Variants in LYSMD4 observed in about 807,000 individuals in gnomAD.
LYSMD4 encodes the protein lysM and putative peptidoglycan-binding domain-containing protein 4.
LYSMD4 carries 9 observed loss-of-function variants against 6.1 expected under a neutral mutation model. The ratio of observed to expected loss-of-function variants is 1.47; its 90% CI spans 0.88 to 2.56. LYSMD4 has a LOEUF of 2.56. LYSMD4 is among the 30% of genes most tolerant of loss of function. The pLI, the probability that LYSMD4 is intolerant of heterozygous loss-of-function variation, is 0.00. For missense variants in LYSMD4, 384 were observed against 373.5 expected (o/e 1.03, Z -0.23); for synonymous variants, 143 against 148.5 (o/e 0.96, Z 0.27).
chr15:99,726,145 G>GTTTTTT (rs1567547710), downstream of LYSMD4, among the ~76,000 whole-genome samples: 2 of 31,412 alleles, frequency 6.4e-5, no homozygotes, highest in African/African-American at 1.5e-4. Flanking sequence ...TGTCTCAAGT[G>GTTTTTT]GTTTTTTTTT....
chr15:99,729,763 T>C (rs1210914555), intron 2 of LYSMD4, 32 bp from the exon 3 acceptor site: 2 of 1,557,912 alleles, frequency 1.3e-6, no homozygotes, highest in Non-Finnish European at 8.6e-7. Context: ...CATCATAAAA[T>C]ATGCGGAGCT....
In LYSMD4 at chr15:99,733,428, G is replaced by T. The variant is rs567813300; in HGVS notation, c.-92C>A. ...ACCCGCAGCTGCCACCGCGCCTGCGGATTGGCTACGAACATCAGCAGGGCC... is the reference window on the plus strand; with the variant it reads ...ACCCGCAGCTGCCACCGCGCCTGCGTATTGGCTACGAACATCAGCAGGGCC... On this transcript the variant is annotated 5_prime_UTR_variant, in exon 1 of 3. Coordinates refer to ENST00000684762, the MANE Select transcript of LYSMD4 (RefSeq NM_001284417.2). The T allele has an allele frequency of 2.1e-4, 83 of 395,412 alleles. No homozygotes were observed. The highest frequency in any genetic ancestry group is 1.7e-3 in the African/African-American group (81 of 48,552). The allele number at this position is 395,412 out of a possible 1,614,324, so 24.5% of individuals were successfully genotyped here. A position where few individuals can be genotyped will look rare whatever the true frequency, so the allele number is the denominator to read the frequency against.
exon 1 of LYSMD4, chr15:99,716,171 A>C (rs1300779530): frequency 5.5e-6 from 1 of 182,204 alleles, no homozygotes; most frequent in African/African-American, 2.4e-5. Context: ...GCTTTGCTAT[A>C]TTTAAAATGG....
In LYSMD4 at chr15:99,729,011, T is replaced by G. The variant is rs145602005; in HGVS notation, c.*112A>C. On this transcript the variant is annotated 3_prime_UTR_variant, in exon 3 of 3. Coordinates refer to ENST00000684762, the MANE Select transcript of LYSMD4 (RefSeq NM_001284417.2). ...GAATACTGCAGTGACTTCTGAAAAG[T>G]GTCCATCCTTCCCCGGAAGCAAAAT... is the stretch of plus-strand genomic sequence containing the variant. The G allele has an allele frequency of 5.7e-6, 8 of 1,411,540 alleles. No homozygotes were observed. In the South Asian group the frequency reaches 9.1e-5, roughly 16 times the overall value. The allele number at this position is 1,411,540 out of a possible 1,614,324, so 87.4% of individuals were successfully genotyped here.
intron 2 of LYSMD4, among the ~76,000 whole-genome samples, chr15:99,730,253 T>C (rs537459597): frequency 5.0e-4 from 76 of 152,358 alleles, no homozygotes; most frequent in African/African-American, 1.8e-3. Flanking sequence ...TTGACAGATA[T>C]GCCCTCGGCA....
chr15:99,720,346 TGTG>T (rs374823760), upstream of LYSMD4, among the ~76,000 whole-genome samples: 50 of 152,240 alleles, frequency 3.3e-4, no homozygotes, highest in Non-Finnish European at 5.6e-4. Flanking sequence ...TATGGCCAGG[TGTG>T]GTGGCTCACA....
At chr15:99,733,038 G>C (rs919263190) in intron 1 of LYSMD4, 1 of 294,840 alleles carries the variant, frequency 3.4e-6, no homozygotes, top group Non-Finnish European at 6.3e-6. Flanking sequence ...TCTGCGAAAA[G>C]ATGGGGCACC....
chr15:99,718,639 A>G (rs1313677948), upstream of LYSMD4, among the ~76,000 whole-genome samples: 1 of 152,068 alleles, frequency 6.6e-6, no homozygotes, highest in Non-Finnish European at 1.5e-5. Flanking sequence ...CACTTGTTCC[A>G]GCTTTGGCCA....
rs771380009 is a variant in LYSMD4, at chr15:99,729,689, C to A, written c.325G>T (p.Asp109Tyr). ...KKVNNFIREQ[D>Y]LYALKSVKIP... Reference sequence around the variant, plus strand: ...TTAACAGATTTCAAAGCATATAAGTCTTGTTCTCTGATGAAGTTGTTGACT... The same window carrying A: ...TTAACAGATTTCAAAGCATATAAGTATTGTTCTCTGATGAAGTTGTTGACT... Residue 109 changes from aspartate to tyrosine, a missense_variant, in exon 3 of 3, where the codon GAC (aspartate) becomes TAC (tyrosine). Asp to Tyr is a radical substitution (Grantham distance 160, BLOSUM62 -3). Transcript: ENST00000684762. 2 of 1,613,302 alleles carry A rather than the reference C, an allele frequency of 1.2e-6. No homozygotes were observed. Among genetic ancestry groups the A allele is most frequent in the Admixed American group, 3.3e-5 (2 of 59,982 alleles).
chr15:99,727,215 A>C (rs1050651415), downstream of LYSMD4, among the ~76,000 whole-genome samples: 7 of 152,122 alleles, frequency 4.6e-5, no homozygotes, highest in Non-Finnish European at 1.0e-4. Context: ...TCTCTACTAA[A>C]AATGCAAAAA....
intron 1 of LYSMD4, among the ~76,000 whole-genome samples, chr15:99,732,462 G>A (rs2059441929): frequency 6.6e-6 from 1 of 152,220 alleles, no homozygotes; most frequent in African/African-American, 2.4e-5. Flanking sequence ...AAGAAGGTCA[G>A]CGCTAAGGAC....
At chr15:99,720,442 A>T (rs144038363), upstream of LYSMD4, among the ~76,000 whole-genome samples, 85 of 152,320 alleles carry the variant, frequency 5.6e-4, no homozygotes, top group African/African-American at 1.9e-3. Context: ...CAGCACAGCA[A>T]GACCTCCTCT....
At position 99,727,992 on chromosome 15, in the gene LYSMD4, C is replaced by T. The variant is rs182985867; in HGVS notation, c.*1131G>A. 3.4e-3 allele frequency: 523 copies of T among 152,480 alleles called. 13 individuals are homozygous for T. Among genetic ancestry groups the T allele is most frequent in the Non-Finnish European group, 2.5e-3 (173 of 68,128 alleles). The allele number at this position is 152,480 out of a possible 1,614,324, so 9.4% of individuals were successfully genotyped here. On this transcript the variant is annotated 3_prime_UTR_variant, in exon 3 of 3. Coordinates refer to ENST00000684762, the MANE Select transcript of LYSMD4 (RefSeq NM_001284417.2). The stretch of plus-strand genomic sequence containing the variant: ...CACAGCACCACTGCTGCCTTGGCAG[C>T]GAGAAGGGCTGGGAAAACTGCAAGC...
At chr15:99,732,050 C>A in intron 1 of LYSMD4, 43 bp from the exon 2 acceptor site, 1 of 1,505,252 alleles carries the variant, frequency 6.6e-7, no homozygotes, top group South Asian at 1.3e-5. Context: ...AAGACATAAT[C>A]ATCCCTCCAC....
chr15:99,716,945 C>T (rs2059188704), exon 1 of LYSMD4: 2 of 318,596 alleles, frequency 6.3e-6, no homozygotes, highest in Admixed American at 8.2e-5. Context: ...TGATGCTGAG[C>T]TAGATGCAGC....
At chr15:99,732,570 C>G (rs1310145935) in intron 1 of LYSMD4, among the ~76,000 whole-genome samples, 2 of 152,202 alleles carry the variant, frequency 1.3e-5, no homozygotes, top group African/African-American at 2.4e-5. Flanking sequence ...GCCTGTCAGC[C>G]GGAGAAAAGC....
Position 99,729,446 on chromosome 15 carries a change from T to C in LYSMD4, c.568A>G (p.Ser190Gly), listed in dbSNP as rs1440729212. The change falls in exon 3 of 3, where the codon AGT becomes GGT. Residue 190 changes from serine (S) to glycine (G), a missense_variant. By Grantham distance (56) the Ser-to-Gly change is moderately conservative. Transcript: ENST00000684762. ...TGATGGGAGGTGTCCATGCAGTAAC[T>C]TTCATGTAGAAAGATTTCTGACTGC... The part of the protein sequence containing the change: ...AVQSEIFLHE[S>G]YCMDTSHQPL... The C allele has an allele frequency of 8.1e-6, 13 of 1,614,168 alleles. No individual in the cohort carries two copies. The highest frequency in any genetic ancestry group is 1.1e-5 in the Non-Finnish European group (13 of 1,180,026).
chr15:99,721,066 A>C (rs1453139913), upstream of LYSMD4: 1 of 151,128 alleles, frequency 6.6e-6, no homozygotes, highest in African/African-American at 2.4e-5. Context: ...ACTAAGGTTC[A>C]TGTGAAGATC....
chr15:99,727,235 C>G (rs1009174962), downstream of LYSMD4, among the ~76,000 whole-genome samples: 4 of 152,036 alleles, frequency 2.6e-5, no homozygotes, highest in Admixed American at 6.6e-5. Flanking sequence ...ATCAGCCAGG[C>G]ATGGTGATGT....
Sources: allele counts gnomAD v4.1 joint callset (sites outside exome capture counted in the v4.1 genomes callset), GRCh38; gene constraint gnomAD v4.1.1; transcripts MANE v1.5; gene names NCBI Gene and HGNC (gene_info 2026-07-23, HGNC 2026-07-21).